GRIK2: variants seen among roughly 807,000 people sequenced by gnomAD.
GRIK2 encodes the protein glutamate receptor ionotropic, kainate 2.
In GRIK2, 32 loss-of-function variants were observed where a neutral mutation model predicts 100.3. The observed-to-expected ratio is 0.32, with a 90% CI of 0.24 to 0.43. The LOEUF (loss-of-function observed/expected upper bound fraction) is 0.43. Ranked by LOEUF, GRIK2 falls within the 20% of genes least tolerant of loss-of-function variation. GRIK2 has a pLI of 1.00. For missense variants in GRIK2, 843 were observed against 1,114.9 expected, an observed-to-expected ratio of 0.76 and a Z score of 3.47; for synonymous variants, 417 against 389.4, an observed-to-expected ratio of 1.07 and a Z score of -0.83.
At chr6:101,475,278 A>T (rs941920936) in intron 2 of GRIK2, among the ~76,000 whole-genome samples, 5 of 151,922 alleles carry the variant, frequency 3.3e-5, no homozygotes, top group Non-Finnish European at 7.4e-5. Flanking sequence ...TAGTAAATTT[A>T]AAAAAGTCAA....
intron 2 of GRIK2, among the ~76,000 whole-genome samples, chr6:101,517,278 G>A (rs1774633839): frequency 6.6e-6 from 1 of 152,052 alleles, no homozygotes; most frequent in Admixed American, 6.6e-5. Flanking sequence ...TCACTTACTT[G>A]CTGTAAAACT....
intron 12 of GRIK2, among the ~76,000 whole-genome samples, chr6:101,890,934 ACAC>A (rs1787013556): frequency 6.6e-6 from 1 of 151,220 alleles, no homozygotes; most frequent in African/African-American, 2.4e-5. Context: ...TTAGAATTCT[ACAC>A]ATAATTTTTC....
chr6:101,997,707 A>G (rs1423182413), intron 14 of GRIK2, among the ~76,000 whole-genome samples: 1 of 152,026 alleles, frequency 6.6e-6, no homozygotes, highest in Non-Finnish European at 1.5e-5. Flanking sequence ...TCTATATATC[A>G]TCTACATTGA....
chr6:101,632,623 TGCA>T (rs1023488937), intron 4 of GRIK2, among the ~76,000 whole-genome samples: 1 of 152,160 alleles, frequency 6.6e-6, no homozygotes, highest in African/African-American at 2.4e-5. Context: ...TGATTTCAAC[TGCA>T]GTTAAACATA....
chr6:101,694,270 G>A (rs187131070), intron 7 of GRIK2, among the ~76,000 whole-genome samples: 14 of 152,022 alleles, frequency 9.2e-5, no homozygotes, highest in African/African-American at 2.9e-4. Flanking sequence ...AATACAACAT[G>A]GTCAAGAAAA....
chr6:101,875,009 G>T (rs1785721747), intron 11 of GRIK2, among the ~76,000 whole-genome samples: 1 of 152,014 alleles, frequency 6.6e-6, no homozygotes, highest in Non-Finnish European at 1.5e-5. Context: ...TGAGATGATG[G>T]GGTTTTCTAG....
At chr6:101,451,179 C>G (rs1770656691) in intron 2 of GRIK2, among the ~76,000 whole-genome samples, 1 of 151,700 alleles carries the variant, frequency 6.6e-6, no homozygotes, top group South Asian at 2.1e-4. Flanking sequence ...TATGTTTGAG[C>G]TCAGTCGTCA....
intron 4 of GRIK2, 21 bp from the exon 5 acceptor site, chr6:101,676,602 T>G (rs574602328): frequency 2.1e-6 from 3 of 1,434,024 alleles, no homozygotes; most frequent in Non-Finnish European, 9.5e-7. Flanking sequence ...ATTCTTTTTT[T>G]TTTTTCCATT....
chr6:101,495,332 C>T (rs947979764), intron 2 of GRIK2, among the ~76,000 whole-genome samples: 5 of 151,708 alleles, frequency 3.3e-5, no homozygotes, highest in East Asian at 2.0e-4. Flanking sequence ...GGTGAAATCC[C>T]GTCTCTACTA....
chr6:101,424,365 T>C (rs895204531), intron 2 of GRIK2, among the ~76,000 whole-genome samples: 10 of 146,160 alleles, frequency 6.8e-5, no homozygotes, highest in Non-Finnish European at 1.2e-4. Context: ...TTCCCATTCC[T>C]CTGTCCATGT....
chr6:101,863,875 C>T (rs368956623), intron 11 of GRIK2, among the ~76,000 whole-genome samples: 1 of 152,124 alleles, frequency 6.6e-6, no homozygotes, highest in Admixed American at 6.5e-5. Context: ...CGGTGGCTCA[C>T]GCCTGTAATC....
chr6:102,023,775 A>C (rs931034602), intron 14 of GRIK2, among the ~76,000 whole-genome samples: 7 of 151,424 alleles, frequency 4.6e-5, no homozygotes, highest in African/African-American at 1.7e-4. Context: ...TAGTTGAGTT[A>C]CTCCAGGGCT....
At chr6:101,479,436 G>A (rs1405366163) in intron 2 of GRIK2, among the ~76,000 whole-genome samples, 2 of 151,990 alleles carry the variant, frequency 1.3e-5, no homozygotes, top group South Asian at 2.1e-4. Flanking sequence ...TTATCATGGC[G>A]ATTTACTATA....
chr6:101,398,059 A>G (rs1215389193), intron 1 of GRIK2, among the ~76,000 whole-genome samples: 2 of 152,126 alleles, frequency 1.3e-5, no homozygotes, highest in African/African-American at 4.8e-5. Flanking sequence ...GTCACTACCT[A>G]GTGACTCTAA....
At chr6:102,061,608 G>T (rs1305237458) in intron 16 of GRIK2, among the ~76,000 whole-genome samples, 1 of 150,392 alleles carries the variant, frequency 6.6e-6, no homozygotes, top group East Asian at 1.9e-4. Context: ...GAATTAAAAA[G>T]ACTTGGAAAC....
chr6:101,550,917 A>G (rs2128292420), intron 2 of GRIK2, among the ~76,000 whole-genome samples: 1 of 152,296 alleles, frequency 6.6e-6, no homozygotes, highest in East Asian at 1.9e-4. Context: ...TTACTAAATA[A>G]TTTGGAAGCC....
intron 2 of GRIK2, among the ~76,000 whole-genome samples, chr6:101,455,743 T>A (rs1770969773): frequency 6.6e-6 from 1 of 152,076 alleles, no homozygotes; most frequent in South Asian, 2.1e-4. Flanking sequence ...AAAACCAGAT[T>A]AATGTTGAGT....
intron 14 of GRIK2, among the ~76,000 whole-genome samples, chr6:102,025,690 T>G (rs1204056116): frequency 6.6e-6 from 1 of 151,246 alleles, no homozygotes; most frequent in African/African-American, 2.4e-5. Flanking sequence ...GTGATATGTT[T>G]TAATTCTCAG....
At chr6:101,419,787 T>G (rs550451260) in intron 2 of GRIK2, among the ~76,000 whole-genome samples, 1 of 152,282 alleles carries the variant, frequency 6.6e-6, no homozygotes, top group African/African-American at 2.4e-5. Flanking sequence ...CTTCAACAAC[T>G]TGAATGTAGT....
Sources: allele counts gnomAD v4.1 joint callset (sites outside exome capture counted in the v4.1 genomes callset), GRCh38; gene constraint gnomAD v4.1.1; transcripts MANE v1.5; gene names NCBI Gene and HGNC (gene_info 2026-07-23, HGNC 2026-07-21).